The following ATP8B1 variants were observed in gnomAD, a reference collection of about 807,000 sequenced individuals.
ATP8B1 encodes phospholipid-transporting ATPase IC.
Under a neutral mutation model 149.9 loss-of-function variants are expected in ATP8B1, and 80 were observed. The ratio of observed to expected loss-of-function variants is 0.53; its 90% CI spans 0.45 to 0.64. The LOEUF (loss-of-function observed/expected upper bound fraction) is 0.64. Ranked by LOEUF, ATP8B1 falls within the 30% of genes least tolerant of loss-of-function variation. ATP8B1 has a pLI of 0.00. For synonymous variants in ATP8B1, 536 were observed against 562.8 expected, an observed-to-expected ratio of 0.95 and a Z score of 0.67; for missense variants, 1,247 against 1,552.6, an observed-to-expected ratio of 0.80 and a Z score of 3.31.
chr18:57,696,591 C>CTGATCTA (rs1267866553), intron 8 of ATP8B1, among the ~76,000 whole-genome samples: 1 of 150,534 alleles, frequency 6.6e-6, no homozygotes, highest in Non-Finnish European at 1.5e-5. Flanking sequence ...AGTCAATTGC[C>CTGATCTA]TGATCTATGA....
intron 1 of ATP8B1, among the ~76,000 whole-genome samples, chr18:57,788,507 A>G (rs1457799635): frequency 6.6e-6 from 1 of 151,472 alleles, no homozygotes; most frequent in South Asian, 2.1e-4. Flanking sequence ...GTGAGCCGTG[A>G]TTGTGCCACT....
rs776895822 is a variant in ATP8B1, at chr18:57,691,813, T to C, written c.1214A>G (p.Tyr405Cys). ...VLNTMVPISL[Y>C]VSVEVIRLGQ... ...CCAGAGAGGACAGCCTTACCTGACATAGAGAGAGATGGGTACCATGGTGTT... is the reference window on the plus strand; with the variant it reads ...CCAGAGAGGACAGCCTTACCTGACACAGAGAGAGATGGGTACCATGGTGTT... Residue 405 changes from tyrosine to cysteine, a missense_variant, in exon 12 of 28, where the codon TAT (tyrosine) becomes TGT (cysteine). This residue lies in a region of ATP8B1 where 853 missense variants were observed against 1,035.7 expected (regional missense o/e 0.82). Coordinates refer to ENST00000648908, the MANE Select transcript of ATP8B1 (RefSeq NM_001374385.1). 7 of 1,613,896 alleles carry C rather than the reference T, an allele frequency of 4.3e-6. No homozygotes were observed. In the Admixed American group the frequency reaches 1.2e-4, roughly 27 times the overall value.
intron 1 of ATP8B1, chr18:57,737,636 C>T (rs1407308464): frequency 1.3e-5 from 2 of 151,220 alleles, no homozygotes; most frequent in African/African-American, 4.9e-5. Flanking sequence ...AAACTCCGGG[C>T]CCCAAGCAAT....
chr18:57,652,296 G>T, intron 25 of ATP8B1, 124 bp from the exon 26 acceptor site: 1 of 1,457,502 alleles, frequency 6.9e-7, no homozygotes, highest in Non-Finnish European at 9.5e-7. Context: ...TACTGGACCA[G>T]AAACTAAACC....
In ATP8B1 at chr18:57,701,268, G is replaced by C. The variant is rs778716817; in HGVS notation, c.439C>G (p.Pro147Ala). 23 of 1,614,198 alleles carry C rather than the reference G, an allele frequency of 1.4e-5. No homozygotes were observed. In the Admixed American group the frequency reaches 2.2e-4, roughly 15 times the overall value. The change falls in exon 5 of 28, where the codon CCC (proline) becomes GCC (alanine). Residue 147 changes from proline to alanine, a missense_variant. Physicochemically the swap from Pro to Ala is conservative, Grantham distance 27. Transcript: ENST00000648908. ...GTGACGCCCAGCACCACAAGCAGGG[G>C]CACTAGTGTGGTGTACCAAGCCAGG... The part of the protein sequence containing the change: ...STLAWYTTLV[P>A]LLVVLGVTAI...
chr18:57,779,961 TA>T (rs2123411790), intron 1 of ATP8B1, among the ~76,000 whole-genome samples: 1 of 151,936 alleles, frequency 6.6e-6, no homozygotes, highest in South Asian at 2.1e-4. Flanking sequence ...TTAACAGTTA[TA>T]ATATTAAACA....
In ATP8B1 at chr18:57,648,485, G is replaced by T. The variant is rs771193328; in HGVS notation, c.*3C>A. The T allele has an allele frequency of 6.2e-7, 1 of 1,611,136 alleles. No homozygotes were observed. Among genetic ancestry groups the T allele is most frequent in the South Asian group, 1.1e-5 (1 of 90,998 alleles). Reference sequence around the variant, plus strand: ...GGCCGCATCCCAGCCTGGGGGTAAGGGATCAGCTGTCCCCGGTGCGCCTGT... The same window carrying T: ...GGCCGCATCCCAGCCTGGGGGTAAGTGATCAGCTGTCCCCGGTGCGCCTGT... On this transcript the variant is annotated 3_prime_UTR_variant, in exon 28 of 28. Coordinates refer to ENST00000648908, the MANE Select transcript of ATP8B1 (RefSeq NM_001374385.1).
chr18:57,771,136 C>T (rs1361253675), intron 1 of ATP8B1, among the ~76,000 whole-genome samples: 1 of 152,252 alleles, frequency 6.6e-6, no homozygotes, highest in Non-Finnish European at 1.5e-5. Context: ...GCTGGAATTA[C>T]AGGCGTGAGC....
chr18:57,672,086 T>C (rs1285426872), intron 16 of ATP8B1, among the ~76,000 whole-genome samples: 2 of 152,200 alleles, frequency 1.3e-5, no homozygotes, highest in Non-Finnish European at 2.9e-5. Context: ...GAAATAAATA[T>C]AAAAAGATTC....
chr18:57,744,646 A>G (rs961281481), intron 1 of ATP8B1, among the ~76,000 whole-genome samples: 7 of 152,234 alleles, frequency 4.6e-5, no homozygotes, highest in African/African-American at 1.4e-4. Flanking sequence ...TATTGACTCT[A>G]TAATTAGGCT....
chr18:57,738,766 A>G (rs2079883494), intron 1 of ATP8B1, among the ~76,000 whole-genome samples: 1 of 151,996 alleles, frequency 6.6e-6, no homozygotes, highest in Non-Finnish European at 1.5e-5. Context: ...ATGCTGCGAG[A>G]TCCCTCTAAC....
chr18:57,683,285 G>C (rs938656673), intron 15 of ATP8B1, among the ~76,000 whole-genome samples: 1 of 152,196 alleles, frequency 6.6e-6, no homozygotes, highest in Non-Finnish European at 1.5e-5. Context: ...AGGGAATGAA[G>C]TGAAGGCAGA....
At chr18:57,749,625 G>C (rs1008663882) in intron 1 of ATP8B1, among the ~76,000 whole-genome samples, 5 of 152,300 alleles carry the variant, frequency 3.3e-5, no homozygotes, top group African/African-American at 1.2e-4. Flanking sequence ...GAGTCAGGAA[G>C]ATTGATCCAT....
rs35757087 is a variant in ATP8B1, at chr18:57,661,217, C to T, written c.2664G>A (p.Thr888=). 35 of 1,613,914 alleles carry T rather than the reference C, an allele frequency of 2.2e-5. No individual in the cohort carries two copies. The highest frequency in any genetic ancestry group is 1.3e-4 in the Admixed American group (8 of 60,000). ...CATTGGCCCCATCTCCGATGGCCAG[C>T]GTGATGGCTTTCTTGTACCTCTTCA... The part of the protein sequence containing the change: ...DLVKRYKKAI[T]LAIGDGANDV... Residue 888 remains threonine (T), a synonymous_variant, in exon 22 of 28, where the codon ACG becomes ACA. Coordinates refer to ENST00000648908, the MANE Select transcript of ATP8B1 (RefSeq NM_001374385.1).
chr18:57,702,288 C>A (rs954767113), intron 4 of ATP8B1, among the ~76,000 whole-genome samples: 15 of 152,214 alleles, frequency 9.9e-5, no homozygotes, highest in Non-Finnish European at 2.9e-5. Flanking sequence ...TATTTCATAA[C>A]CATCCTCCTG....
chr18:57,650,135 T>G (rs1909507647), intron 27 of ATP8B1, among the ~76,000 whole-genome samples: 1 of 152,254 alleles, frequency 6.6e-6, no homozygotes, highest in Admixed American at 6.5e-5. Context: ...ATGGGGCTCA[T>G]TCTGTTCTCC....
chr18:57,684,232 A>G (rs1280866689), intron 14 of ATP8B1, 40 bp from the exon 15 acceptor site: 2 of 1,582,106 alleles, frequency 1.3e-6, no homozygotes, highest in South Asian at 2.3e-5. Context: ...ATTTTATAAA[A>G]TATTTTTGAC....
intron 1 of ATP8B1, among the ~76,000 whole-genome samples, chr18:57,786,233 C>T (rs754981807): frequency 1.3e-5 from 2 of 152,132 alleles, no homozygotes; most frequent in Non-Finnish European, 2.9e-5. Flanking sequence ...CAATATAGCT[C>T]AGGGATGCCA....
chr18:57,744,106 G>A (rs939374303), intron 1 of ATP8B1, among the ~76,000 whole-genome samples: 3 of 152,154 alleles, frequency 2.0e-5, no homozygotes, highest in East Asian at 1.9e-4. Context: ...CCTGAGGTCC[G>A]GAGTTTGAGA....
Sources: allele counts gnomAD v4.1 joint callset (sites outside exome capture counted in the v4.1 genomes callset), GRCh38; gene constraint gnomAD v4.1.1; regional missense constraint gnomAD v4.1.1; transcripts MANE v1.5; gene names NCBI Gene and HGNC (gene_info 2026-07-23, HGNC 2026-07-21).